POLR1D: variants seen among roughly 807,000 people sequenced by gnomAD.
POLR1D encodes the protein DNA-directed RNA polymerases I and III subunit RPAC2.
In POLR1D, 8 loss-of-function variants were observed where a neutral mutation model predicts 10.8. That is an observed-to-expected ratio of 0.74 (90% CI 0.43 to 1.33). The LOEUF (loss-of-function observed/expected upper bound fraction) is 1.33, where lower values mean the gene tolerates loss of function less well. Ranked by LOEUF, POLR1D falls within the 40% of genes most tolerant of loss-of-function variation. POLR1D has a pLI of 0.01. For missense variants in POLR1D, 152 were observed against 161.7 expected (o/e 0.94, Z 0.32); for synonymous variants, 54 against 57.2 (o/e 0.94, Z 0.25).
downstream of POLR1D, among the ~76,000 whole-genome samples, chr13:27,624,152 A>T (rs1452883138): frequency 3.3e-5 from 5 of 152,162 alleles, no homozygotes; most frequent in African/African-American, 1.2e-4. Flanking sequence ...TTCCTGGGCC[A>T]GTCTTACTCC....
intron 2 of POLR1D, among the ~76,000 whole-genome samples, chr13:27,661,764 T>C (rs1464910289): frequency 6.6e-6 from 1 of 152,216 alleles, no homozygotes; most frequent in Non-Finnish European, 1.5e-5. Flanking sequence ...AAAGAGTTAA[T>C]GTACAGAGCA....
At chr13:27,652,541 G>C (rs655885) in intron 2 of POLR1D, among the ~76,000 whole-genome samples, 1 of 151,990 alleles carries the variant, frequency 6.6e-6, no homozygotes, top group African/African-American at 2.4e-5. Context: ...CCACATTTCA[G>C]TTAGCAGAAA....
At chr13:27,621,877 C>A (rs2232678), upstream of POLR1D, 1 of 1,220,592 alleles carries the variant, frequency 8.2e-7, no homozygotes, top group African/African-American at 1.5e-5. Context: ...TCCTCCGCGC[C>A]TTCCGTCGGT....
At chr13:27,630,127 G>A (rs1417025060) in intron 1 of POLR1D, among the ~76,000 whole-genome samples, 1 of 152,048 alleles carries the variant, frequency 6.6e-6, no homozygotes, top group East Asian at 1.9e-4. Flanking sequence ...TGGACAGGCT[G>A]GTCTTGAACT....
chr13:27,661,765 G>A (rs1032959770), intron 2 of POLR1D, among the ~76,000 whole-genome samples: 1 of 152,180 alleles, frequency 6.6e-6, no homozygotes, highest in African/African-American at 2.4e-5. Context: ...AAGAGTTAAT[G>A]TACAGAGCAT....
At chr13:27,648,365 CT>C in intron 1 of POLR1D, 1 of 1,576,030 alleles carries the variant, frequency 6.3e-7, no homozygotes, top group Non-Finnish European at 8.7e-7. Flanking sequence ...AAATCTTTTC[CT>C]TTTTCTTATC....
exon 3 of POLR1D, chr13:27,665,975 G>T (rs1956413789): frequency 1.2e-6 from 2 of 1,611,704 alleles, no homozygotes; most frequent in East Asian, 4.5e-5. Flanking sequence ...GGGCCAGCCA[G>T]CCCTGCGGGC....
intron 1 of POLR1D, chr13:27,622,355 C>G (rs938228509): frequency 2.6e-5 from 11 of 430,546 alleles, no homozygotes; most frequent in Non-Finnish European, 4.2e-5. Flanking sequence ...TATGTGCAGA[C>G]TGCTCCTAAA....
chr13:27,667,057 C>G (rs968816514), exon 3 of POLR1D: 13 of 152,204 alleles, frequency 8.5e-5, no homozygotes, highest in African/African-American at 3.1e-4. Context: ...GGAAATACAT[C>G]CAAAAAGTTA....
intron 1 of POLR1D, among the ~76,000 whole-genome samples, chr13:27,630,802 G>T (rs536436258): frequency 6.6e-6 from 1 of 152,142 alleles, no homozygotes; most frequent in African/African-American, 2.4e-5. Context: ...TAAACTTATG[G>T]TCTTCATAGT....
chr13:27,643,618 A>G (rs1011510820), intron 1 of POLR1D, among the ~76,000 whole-genome samples: 14 of 152,130 alleles, frequency 9.2e-5, no homozygotes. Flanking sequence ...TATTTTTTTA[A>G]TCAATGACCT....
intron 1 of POLR1D, among the ~76,000 whole-genome samples, chr13:27,637,707 G>A (rs370280972): frequency 1.3e-5 from 2 of 151,896 alleles, no homozygotes; most frequent in South Asian, 2.1e-4. Flanking sequence ...TTTCATTGCC[G>A]TATAAATTGG....
chr13:27,649,761 C>T (rs1956250305), intron 2 of POLR1D, among the ~76,000 whole-genome samples: 1 of 152,168 alleles, frequency 6.6e-6, no homozygotes, highest in Non-Finnish European at 1.5e-5. Flanking sequence ...ACCACCCACC[C>T]AGTAGCAGTG....
intron 1 of POLR1D, among the ~76,000 whole-genome samples, chr13:27,638,775 T>G (rs1281517392): frequency 1.3e-5 from 2 of 152,156 alleles, no homozygotes; most frequent in African/African-American, 4.8e-5. Flanking sequence ...TGCAGATGAT[T>G]TGTATAACAT....
At chr13:27,652,703 C>G (rs1281387494) in intron 2 of POLR1D, among the ~76,000 whole-genome samples, 1 of 151,968 alleles carries the variant, frequency 6.6e-6, no homozygotes, top group African/African-American at 2.4e-5. Flanking sequence ...AATCCCATCT[C>G]TACTAAAAAT....
downstream of POLR1D, among the ~76,000 whole-genome samples, chr13:27,624,023 T>C (rs1235850536): frequency 1.3e-5 from 2 of 152,140 alleles, no homozygotes; most frequent in Admixed American, 1.3e-4. Flanking sequence ...AAGCCCTATT[T>C]GAGAGAAGGT....
At chr13:27,638,065 A>G (rs990119838) in intron 1 of POLR1D, among the ~76,000 whole-genome samples, 7 of 152,214 alleles carry the variant, frequency 4.6e-5, no homozygotes, top group Non-Finnish European at 1.0e-4. Context: ...CCTCAAAGCC[A>G]TGTTTGATGC....
At chr13:27,665,119 ATAGCCTG>A (rs1370009099) in intron 2 of POLR1D, 1 of 156,116 alleles carries the variant, frequency 6.4e-6, no homozygotes, top group Non-Finnish European at 1.4e-5. Context: ...TCCACAGAGC[ATAGCCTG>A]GCATCCTGAA....
Position 27,621,942 on chromosome 13 carries a change from G to A in POLR1D, c.-42G>A. The A allele has an allele frequency of 6.3e-7, 1 of 1,577,040 alleles. No homozygotes were observed. The highest frequency in any genetic ancestry group is 8.6e-7 in the Non-Finnish European group (1 of 1,160,648). ...CCTCGCGCTATGGGACAGAGCCCCCGATCCGCCAGCACCACCTGAGGATCC... is the reference window on the plus strand; with the variant it reads ...CCTCGCGCTATGGGACAGAGCCCCCAATCCGCCAGCACCACCTGAGGATCC... On this transcript the variant is annotated 5_prime_UTR_variant, in exon 1 of 2. Coordinates refer to ENST00000302979, the MANE Select transcript of POLR1D (RefSeq NM_015972.4).
Sources: gnomAD v4.1 joint callset for allele counts (sites outside exome capture counted in the v4.1 genomes callset) on GRCh38, gnomAD v4.1.1 for gene constraint, MANE v1.5 for transcripts, NCBI Gene and HGNC (gene_info 2026-07-23, HGNC 2026-07-21) for gene names.